LRP1B: variants seen among roughly 807,000 people sequenced by gnomAD.
The protein encoded by LRP1B is low-density lipoprotein receptor-related protein 1B.
A neutral mutation model predicts 556.6 loss-of-function variants in LRP1B; 217 were observed. The observed-to-expected ratio is 0.39, with a 90% CI of 0.35 to 0.44. LRP1B has a LOEUF of 0.44. Among genes scored for constraint, LRP1B ranks in the 20% least tolerant of loss-of-function variants. LRP1B has a pLI of 1.00. For missense variants in LRP1B, 5,053 were observed against 5,620.8 expected, an observed-to-expected ratio of 0.90 and a Z score of 3.23; for synonymous variants, 2,047 against 1,865.8, an observed-to-expected ratio of 1.10 and a Z score of -2.50.
At chr2:140,302,327 G>C (rs900743602) in intron 83 of LRP1B, among the ~76,000 whole-genome samples, 3 of 151,966 alleles carry the variant, frequency 2.0e-5, no homozygotes, top group Non-Finnish European at 4.4e-5. Context: ...TTTCCATGTT[G>C]ATGTCTCTGG....
At chr2:140,871,669 A>G (rs1362662760) in intron 25 of LRP1B, among the ~76,000 whole-genome samples, 1 of 152,064 alleles carries the variant, frequency 6.6e-6, no homozygotes, top group African/African-American at 2.4e-5. Context: ...GAGATTTTTT[A>G]TTTTGACTAC....
At chr2:142,034,401 T>C (rs1490136003) in intron 1 of LRP1B, among the ~76,000 whole-genome samples, 1 of 151,768 alleles carries the variant, frequency 6.6e-6, no homozygotes, top group East Asian at 1.9e-4. Context: ...ATTCCCTAAA[T>C]ATGCTGTGGG....
chr2:140,649,075 T>C (rs572799174), intron 41 of LRP1B, among the ~76,000 whole-genome samples: 1 of 152,314 alleles, frequency 6.6e-6, no homozygotes, highest in African/African-American at 2.4e-5. Flanking sequence ...TTCAGGCCAA[T>C]ATTTAAAAGT....
At chr2:140,725,989 A>G (rs1426057553) in intron 35 of LRP1B, among the ~76,000 whole-genome samples, 3 of 152,226 alleles carry the variant, frequency 2.0e-5, no homozygotes, top group Non-Finnish European at 4.4e-5. Context: ...GTTTTAAAAT[A>G]CCAAAGAGAC....
chr2:141,691,442 A>G (rs1283961369), intron 2 of LRP1B, among the ~76,000 whole-genome samples: 1 of 145,990 alleles, frequency 6.8e-6, no homozygotes, highest in Non-Finnish European at 1.5e-5. Context: ...AGGAAAAAAA[A>G]AAAGTTGGCC....
intron 19 of LRP1B, among the ~76,000 whole-genome samples, chr2:140,951,468 G>A (rs1405848194): frequency 2.0e-5 from 3 of 151,990 alleles, no homozygotes; most frequent in Non-Finnish European, 2.9e-5. Context: ...GAACATAAGA[G>A]GAAACTGACA....
chr2:141,186,060 T>C (rs1474128710), intron 7 of LRP1B, among the ~76,000 whole-genome samples: 2 of 98,450 alleles, frequency 2.0e-5, no homozygotes, highest in African/African-American at 4.0e-5. Flanking sequence ...GCTTGAGCGA[T>C]AGAACGAGAC....
chr2:140,519,868 A>T (rs916464619), intron 49 of LRP1B, among the ~76,000 whole-genome samples: 8 of 152,208 alleles, frequency 5.3e-5, no homozygotes, highest in African/African-American at 1.9e-4. Flanking sequence ...AAAAATGCTC[A>T]TCATCCACTG....
At chr2:141,743,486 C>CTTTTTTTTTTT (rs765968445) in intron 2 of LRP1B, among the ~76,000 whole-genome samples, 19 of 108,028 alleles carry the variant, frequency 1.8e-4, no homozygotes, top group East Asian at 2.8e-4. Context: ...CTGCTTTTTT[C>CTTTTTTTTTTT]TTTTTTTTTT....
intron 2 of LRP1B, among the ~76,000 whole-genome samples, chr2:141,697,390 C>T (rs1691767355): frequency 6.6e-6 from 1 of 151,866 alleles, no homozygotes; most frequent in African/African-American, 2.4e-5. Flanking sequence ...CTGTTAGGCT[C>T]AATCTCATTT....
chr2:141,747,404 G>T lies in LRP1B; in HGVS notation c.205+62875C>A, dbSNP rs1693954409. Among the ~76,000 whole-genome samples the T allele has an allele frequency of 2.0e-5, 3 of 152,290 alleles. No individual in the cohort carries two copies. In the East Asian group the frequency reaches 5.8e-4, roughly 29 times the overall value. On this transcript the variant is annotated intron_variant, in intron 2 of 90. Coordinates refer to ENST00000389484, the MANE Select transcript of LRP1B (RefSeq NM_018557.3). ...ATGTAAGAAAATGAAAAATGCTCAG[G>T]TAGTAATATCAATTTGGGTAGTAAA...
chr2:141,267,923 C>T (rs1195627219), intron 3 of LRP1B, among the ~76,000 whole-genome samples: 1 of 152,062 alleles, frequency 6.6e-6, no homozygotes, highest in African/African-American at 2.4e-5. Flanking sequence ...AAAAGGGGAT[C>T]CATATTGCTA....
In LRP1B at chr2:140,238,173, G is replaced by C. The variant is rs202187054; in HGVS notation, c.13539C>G (p.Gly4513=). 1.9e-6 allele frequency: 3 copies of C among 1,603,452 alleles called. No individual in the cohort carries two copies. The East Asian group carries it at 6.8e-5, about 36-fold the overall frequency. The change falls in exon 89 of 91, where the codon GGC becomes GGG. Residue 4513 remains glycine (G), a synonymous_variant. Transcript: ENST00000389484. ...CTACCTTTGTTGGGTCTATCATAAA[G>C]CCAGGATCTAAAAGACCTCCATCGT... ...DHNDGGLLDP[G]FMIDPTKARY...
rs2105422236 is a variant in LRP1B at position 140,700,621 on chromosome 2, C to A, written c.6428G>T (p.Gly2143Val). The A allele has an allele frequency of 6.2e-7, 1 of 1,612,964 alleles. No homozygotes were observed. Residue 2143 changes from glycine (G) to valine (V), a missense_variant and splice_region_variant, in exon 41 of 91, where the codon GGG becomes GTG. By Grantham distance (109) the Gly-to-Val change is moderately radical. Around this residue, in one of 5 missense-constraint regions of LRP1B, gnomAD observed 3,619 missense variants for 3,931.9 expected, o/e 0.92. Coordinates refer to ENST00000389484, the MANE Select transcript of LRP1B (RefSeq NM_018557.3). ...VKIFNRVREK[G>V]TNVCARDNGG... Reference sequence around the variant, plus strand: ...ATTGTCCCTGGCACAAACATTGGTCCCTAATGAAGAAAAATGATACACACA... The same window carrying A: ...ATTGTCCCTGGCACAAACATTGGTCACTAATGAAGAAAAATGATACACACA...
At chr2:140,638,539 CT>C (rs1684157438) in intron 41 of LRP1B, among the ~76,000 whole-genome samples, 1 of 152,080 alleles carries the variant, frequency 6.6e-6, no homozygotes, top group Non-Finnish European at 1.5e-5. Context: ...GCAACTAACT[CT>C]ATACTTCAAA....
chr2:141,818,617 A>G (rs996937327), intron 1 of LRP1B, among the ~76,000 whole-genome samples: 12 of 139,512 alleles, frequency 8.6e-5, no homozygotes, highest in African/African-American at 3.0e-4. Flanking sequence ...GCTCAATGCA[A>G]CCTCTGCCTC....
At chr2:140,564,772 C>G (rs1051718869) in intron 43 of LRP1B, among the ~76,000 whole-genome samples, 45 of 151,958 alleles carry the variant, frequency 3.0e-4, no homozygotes, top group African/African-American at 1.1e-3. Context: ...AATTAAAAAT[C>G]AGAAGAAAGC....
chr2:141,472,238 T>A (rs1354070203), intron 3 of LRP1B, among the ~76,000 whole-genome samples: 1 of 152,164 alleles, frequency 6.6e-6, no homozygotes, highest in Non-Finnish European at 1.5e-5. Flanking sequence ...TGGATACATG[T>A]TGTTGACTTA....
chr2:142,027,856 C>T (rs776373076), intron 1 of LRP1B, among the ~76,000 whole-genome samples: 11 of 151,780 alleles, frequency 7.2e-5, no homozygotes, highest in Non-Finnish European at 1.5e-4. Context: ...GTAGCATTGC[C>T]CATTGGCTGA....
Sources: gnomAD v4.1 joint callset for allele counts (sites outside exome capture counted in the v4.1 genomes callset) on GRCh38, gnomAD v4.1.1 for gene constraint, gnomAD v4.1.1 regional missense constraint, MANE v1.5 for transcripts, NCBI Gene and HGNC (gene_info 2026-07-23, HGNC 2026-07-21) for gene names.